The following CCDC12 variants were observed in gnomAD, a reference collection of about 807,000 sequenced individuals.
The protein encoded by CCDC12 is coiled-coil domain-containing protein 12.
A neutral mutation model predicts 25.7 loss-of-function variants in CCDC12; 28 were observed. The ratio of observed to expected loss-of-function variants is 1.09; its 90% CI spans 0.81 to 1.50. The LOEUF is 1.50. CCDC12 is among the 40% of genes most tolerant of loss of function. The pLI is 0.00. For synonymous variants in CCDC12, 75 were observed against 87.7 expected, an observed-to-expected ratio of 0.86 and a Z score of 0.81; for missense variants, 198 against 210.0, an observed-to-expected ratio of 0.94 and a Z score of 0.35.
At chr3:46,976,796 A>G (rs2035011977), upstream of CCDC12, 3 of 1,551,698 alleles carry the variant, frequency 1.9e-6, no homozygotes, top group African/African-American at 2.7e-5. Flanking sequence ...GAGAGTGGAT[A>G]AATGTCTCGC....
chr3:46,972,246 A>G (rs1011304265), intron 1 of CCDC12, among the ~76,000 whole-genome samples: 2 of 152,216 alleles, frequency 1.3e-5, no homozygotes, highest in African/African-American at 4.8e-5. Flanking sequence ...AAGCAGGAGG[A>G]CTGCCTGAGG....
At chr3:46,941,158 A>C in intron 1 of CCDC12, 93 bp from the exon 2 acceptor site, 1 of 1,232,906 alleles carries the variant, frequency 8.1e-7, no homozygotes, top group Non-Finnish European at 1.2e-6. Context: ...ACATCTCAGA[A>C]GGGGGGCACC....
intron 2 of CCDC12, among the ~76,000 whole-genome samples, chr3:46,933,096 C>G (rs1032731286): frequency 6.6e-6 from 1 of 152,166 alleles, no homozygotes; most frequent in Non-Finnish European, 1.5e-5. Context: ...GGTGGCTGTG[C>G]CAGGGCTCTG....
intron 2 of CCDC12, among the ~76,000 whole-genome samples, chr3:46,930,259 G>A (rs770092811): frequency 6.6e-5 from 10 of 152,082 alleles, no homozygotes; most frequent in Non-Finnish European, 8.8e-5. Flanking sequence ...AACAACCAAC[G>A]AAGTACTCAA....
intron 1 of CCDC12, among the ~76,000 whole-genome samples, chr3:46,952,471 C>T (rs780261589): frequency 1.3e-5 from 2 of 152,322 alleles, no homozygotes; most frequent in East Asian, 1.9e-4. Flanking sequence ...GCTTGTTTAT[C>T]CTTTAGTTGT....
chr3:46,939,928 C>T (rs767026419), intron 2 of CCDC12, among the ~76,000 whole-genome samples: 5 of 152,104 alleles, frequency 3.3e-5, no homozygotes, highest in Non-Finnish European at 5.9e-5. Context: ...AAAGAGCATT[C>T]CCTCCCCTCC....
intron 1 of CCDC12, among the ~76,000 whole-genome samples, chr3:46,957,960 T>TACACACACACACACACACACACAC (rs367926661): frequency 3.1e-5 from 2 of 64,744 alleles, no homozygotes; most frequent in Non-Finnish European, 6.4e-5. Flanking sequence ...AAAAAATAAA[T>TACACACACACACACACACACACAC]ACACACACAC....
At chr3:46,924,762 G>A (rs934707713) in intron 3 of CCDC12, among the ~76,000 whole-genome samples, 3 of 152,200 alleles carry the variant, frequency 2.0e-5, no homozygotes, top group South Asian at 2.1e-4. Context: ...GTTACAGTGA[G>A]CTGAGATTAT....
chr3:46,925,695 G>A (rs759490059), intron 2 of CCDC12, among the ~76,000 whole-genome samples, 160 bp from the exon 3 acceptor site: 1 of 152,226 alleles, frequency 6.6e-6, no homozygotes, highest in Non-Finnish European at 1.5e-5. Context: ...AGTGTCATCA[G>A]GCAGGCCCCT....
chr3:46,975,717 G>A (rs1316252340), intron 1 of CCDC12, among the ~76,000 whole-genome samples: 1 of 151,040 alleles, frequency 6.6e-6, no homozygotes, highest in Non-Finnish European at 1.5e-5. Flanking sequence ...ATTTTTAGTA[G>A]AGACAGAGTT....
chr3:46,948,276 G>C (rs2033982401), intron 1 of CCDC12, among the ~76,000 whole-genome samples: 1 of 152,248 alleles, frequency 6.6e-6, no homozygotes, highest in African/African-American at 2.4e-5. Flanking sequence ...TTAGCTAAGA[G>C]CCACTGCTCT....
At chr3:46,940,728 A>C (rs2033667098) in intron 2 of CCDC12, 1 of 477,974 alleles carries the variant, frequency 2.1e-6, no homozygotes, top group Non-Finnish European at 3.8e-6. Flanking sequence ...GTGTATGAGA[A>C]GGGTAAAAAG....
chr3:46,968,194 C>A lies in CCDC12; in HGVS notation c.96+8443G>T, dbSNP rs376976975. On this transcript the variant is annotated intron_variant, in intron 1 of 6. Coordinates refer to ENST00000683445, the MANE Select transcript of CCDC12 (RefSeq NM_001277074.2). ...GAGAGCTTGGGCAGAAAAGCTGAGTCCTTAGGAAGAACGGGCACTCACACT... is the reference window on the plus strand; with the variant it reads ...GAGAGCTTGGGCAGAAAAGCTGAGTACTTAGGAAGAACGGGCACTCACACT... Among the ~76,000 whole-genome samples, 7 of 152,276 alleles carry A rather than the reference C, an allele frequency of 4.6e-5. No homozygotes were observed. In the East Asian group the frequency reaches 1.2e-3, roughly 25 times the overall value.
intron 1 of CCDC12, among the ~76,000 whole-genome samples, chr3:46,944,074 C>T (rs2033816134): frequency 6.6e-6 from 1 of 152,182 alleles, no homozygotes; most frequent in African/African-American, 2.4e-5. Context: ...CCACTTGAAG[C>T]TCACCCCTAC....
At chr3:46,946,915 T>C (rs1172237654) in intron 1 of CCDC12, among the ~76,000 whole-genome samples, 4 of 152,134 alleles carry the variant, frequency 2.6e-5, no homozygotes, top group Non-Finnish European at 2.9e-5. Flanking sequence ...AGCTGCTGAC[T>C]AGAGCTCTCC....
intron 1 of CCDC12, among the ~76,000 whole-genome samples, chr3:46,957,836 G>A (rs980516739): frequency 4.6e-5 from 7 of 152,026 alleles, no homozygotes; most frequent in Non-Finnish European, 8.8e-5. Context: ...CCAGCTTCTC[G>A]GGAGGCTGAG....
chr3:46,959,620 G>A (rs971591569), intron 1 of CCDC12, among the ~76,000 whole-genome samples: 4 of 152,092 alleles, frequency 2.6e-5, no homozygotes, highest in East Asian at 3.9e-4. Flanking sequence ...CCTTGCCCTC[G>A]AGCTACCACA....
Position 46,940,154 on chromosome 3 carries a change from C to A in CCDC12, c.164+844G>T, listed in dbSNP as rs115491821. On this transcript the variant is annotated intron_variant, in intron 2 of 6. Transcript: ENST00000683445. ...ACGGGAGTGGTAGTCAGACACTCTGCTCACAAAGATCAGCAGCACAGCTTT... is the reference window on the plus strand; with the variant it reads ...ACGGGAGTGGTAGTCAGACACTCTGATCACAAAGATCAGCAGCACAGCTTT... 5.6e-3 allele frequency among the ~76,000 whole-genome samples: 855 copies of A among 152,334 alleles called. 11 individuals carry two copies. The highest frequency in any genetic ancestry group is 0.02 in the African/African-American group (832 of 41,568).
At chr3:46,950,167 G>A (rs1206429621) in intron 1 of CCDC12, among the ~76,000 whole-genome samples, 1 of 152,004 alleles carries the variant, frequency 6.6e-6, no homozygotes, top group African/African-American at 2.4e-5. Context: ...TGCTCCTTCT[G>A]TTCTCACCCA....
Sources: gnomAD v4.1 joint callset for allele counts (sites outside exome capture counted in the v4.1 genomes callset) on GRCh38, gnomAD v4.1.1 for gene constraint, MANE v1.5 for transcripts, NCBI Gene and HGNC (gene_info 2026-07-23, HGNC 2026-07-21) for gene names.